Variants in TIAM1 observed in about 807,000 individuals in gnomAD.
TIAM1 encodes TIAM Rac1 associated GEF 1.
A neutral mutation model predicts 163.5 loss-of-function variants in TIAM1; 65 were observed. The observed-to-expected ratio is 0.40, with a 90% CI of 0.33 to 0.49. TIAM1 has a LOEUF of 0.49. TIAM1 is among the 20% of genes least tolerant of loss of function. The probability of loss-of-function intolerance (pLI) is 0.77; values close to 1 mark genes in which losing one functional copy is unlikely to be tolerated. For missense variants in TIAM1, 1,789 were observed against 2,044.7 expected (o/e 0.87, Z 2.41); for synonymous variants, 833 against 810.1 (o/e 1.03, Z -0.48).
At chr21:31,200,111 T>C (rs1422625745) in intron 12 of TIAM1, among the ~76,000 whole-genome samples, 1 of 152,116 alleles carries the variant, frequency 6.6e-6, no homozygotes, top group African/African-American at 2.4e-5. Context: ...AGCAGAATTG[T>C]TTTGGTGTAT....
At chr21:31,166,312 C>A (rs1166695865) in intron 15 of TIAM1, among the ~76,000 whole-genome samples, 1 of 152,150 alleles carries the variant, frequency 6.6e-6, no homozygotes, top group East Asian at 1.9e-4. Flanking sequence ...TATAACCAGA[C>A]AAGAGAGAAG....
chr21:31,375,540 A>G (rs902014056), intron 2 of TIAM1, among the ~76,000 whole-genome samples: 2 of 110,138 alleles, frequency 1.8e-5, no homozygotes, highest in African/African-American at 8.3e-5. Flanking sequence ...TATATAGAAA[A>G]GGAAAAATCA....
intron 3 of TIAM1, among the ~76,000 whole-genome samples, chr21:31,273,600 T>C (rs1486576020): frequency 2.0e-5 from 3 of 152,188 alleles, no homozygotes; most frequent in African/African-American, 7.2e-5. Flanking sequence ...CCAAGTCAGG[T>C]TGACTGCCTG....
intron 2 of TIAM1, among the ~76,000 whole-genome samples, chr21:31,429,954 C>T (rs549462372): frequency 8.3e-4 from 127 of 152,266 alleles, no homozygotes; most frequent in African/African-American, 2.9e-3. Context: ...CACGCCTGTC[C>T]TAGCACTTTG....
At position 31,141,596 on chromosome 21, in the gene TIAM1, C is replaced by G. The variant is rs2082847728; in HGVS notation, c.3476-92G>C. ...TCCCTTCCTCAGTGACTCCAAGGTG[C>G]CTTTTTGCAGGACTGAGCAGAGAGT... On this transcript the variant is annotated intron_variant, in intron 20 of 27. Coordinates refer to ENST00000541036, the MANE Select transcript of TIAM1 (RefSeq NM_001353694.2). The surrounding 1 kb of genome is among the most constrained non-coding windows in gnomAD (Gnocchi z 4.7). The G allele has an allele frequency of 3.4e-6, 5 of 1,482,286 alleles. No homozygotes were observed. Among genetic ancestry groups the G allele is most frequent in the Non-Finnish European group, 3.7e-6 (4 of 1,085,180 alleles). The allele number at this position is 1,482,286 out of a possible 1,614,324, so 91.8% of individuals were successfully genotyped here.
intron 2 of TIAM1, among the ~76,000 whole-genome samples, chr21:31,413,264 CTTTTTTTTTTTTTTTT>C: frequency 2.3e-5 from 2 of 87,856 alleles, no homozygotes; most frequent in Middle Eastern, 0.022. Context: ...CTTTTCTTTT[CTTTTTTTTTTTTTTTT>C]TTTTTTTGAG....
chr21:31,488,724 C>T (rs375416759), intron 1 of TIAM1, among the ~76,000 whole-genome samples: 1 of 152,110 alleles, frequency 6.6e-6, no homozygotes, highest in South Asian at 2.1e-4. Context: ...AAACCATCCC[C>T]ATGATTCAAT....
intron 2 of TIAM1, among the ~76,000 whole-genome samples, chr21:31,368,975 C>G (rs1012205637): frequency 2.0e-5 from 3 of 151,966 alleles, no homozygotes; most frequent in South Asian, 4.2e-4. Context: ...CGTGGTGGCT[C>G]ACGCCTGTAA....
At chr21:31,388,089 GA>G (rs1485802524) in intron 2 of TIAM1, among the ~76,000 whole-genome samples, 1 of 149,948 alleles carries the variant, frequency 6.7e-6, no homozygotes, top group Non-Finnish European at 1.5e-5. Context: ...GGCCTCCCTA[GA>G]AGCCTAGCAG....
chr21:31,347,467 A>G (rs960235434), upstream of TIAM1, among the ~76,000 whole-genome samples: 2 of 152,174 alleles, frequency 1.3e-5, no homozygotes, highest in Non-Finnish European at 2.9e-5. Context: ...TAAAGGTACC[A>G]GTTTCTTAAC....
chr21:31,174,004 G>A (rs1302697045), intron 15 of TIAM1, among the ~76,000 whole-genome samples: 2 of 152,152 alleles, frequency 1.3e-5, no homozygotes, highest in Admixed American at 6.5e-5. Flanking sequence ...TTTACGAGGC[G>A]CGCGTGTCTC....
intron 2 of TIAM1, among the ~76,000 whole-genome samples, chr21:31,385,191 A>C (rs1317029675): frequency 1.3e-5 from 2 of 152,232 alleles, no homozygotes; most frequent in Non-Finnish European, 2.9e-5. Context: ...CCTCACAAGC[A>C]GCTGGGATTA....
chr21:31,180,237 C>T (rs559698687), intron 15 of TIAM1, among the ~76,000 whole-genome samples: 35 of 152,040 alleles, frequency 2.3e-4, no homozygotes, highest in African/African-American at 8.0e-4. Context: ...AAGAAATAGA[C>T]GAAAACATTA....
chr21:31,168,698 C>T (rs2084362348), intron 15 of TIAM1, among the ~76,000 whole-genome samples: 2 of 152,302 alleles, frequency 1.3e-5, no homozygotes, highest in South Asian at 4.1e-4. Flanking sequence ...CTGTGCCAGG[C>T]CCCCTGACAT....
intron 2 of TIAM1, among the ~76,000 whole-genome samples, chr21:31,370,045 G>A (rs1487044878): frequency 6.6e-6 from 1 of 152,206 alleles, no homozygotes; most frequent in African/African-American, 2.4e-5. Context: ...TGAGGACACA[G>A]TGAAAAGACA....
chr21:31,368,962 G>T (rs1404378849), intron 2 of TIAM1, among the ~76,000 whole-genome samples: 1 of 152,152 alleles, frequency 6.6e-6, no homozygotes, highest in African/African-American at 2.4e-5. Context: ...ATGATAGGTC[G>T]GGCGTGGTGG....
rs1405536980 is a variant in TIAM1 at position 31,130,283 on chromosome 21, G to A, written c.3975C>T (p.Asp1325=). The A allele has an allele frequency of 6.2e-7, 1 of 1,613,986 alleles. No individual in the cohort carries two copies. The highest frequency in any genetic ancestry group is 1.3e-5 in the African/African-American group (1 of 74,888). ...TGTGTCGAAATCTGAAGGGGTCCCA[G>A]TCCTCATAAATGGAAAGCCTGTGAG... is the stretch of plus-strand genomic sequence containing the variant. ...VGSHRLSIYE[D]WDPFRFRHMI... The change falls in exon 25 of 28, where the codon GAC becomes GAT. Residue 1325 remains aspartate (D), a synonymous_variant. Transcript: ENST00000541036.
intron 15 of TIAM1, among the ~76,000 whole-genome samples, chr21:31,181,685 A>G (rs1211121365): frequency 7.0e-6 from 1 of 143,430 alleles, no homozygotes; most frequent in Non-Finnish European, 1.5e-5. Flanking sequence ...GACGATAGAG[A>G]AGGCAGGAAC....
intron 1 of TIAM1, among the ~76,000 whole-genome samples, chr21:31,541,894 C>T (rs999884453): frequency 3.9e-5 from 6 of 152,294 alleles, no homozygotes; most frequent in East Asian, 1.9e-4. Context: ...AAATCCCTTT[C>T]GAAGCTAAGT....
Sources: gnomAD v4.1 joint callset for allele counts (sites outside exome capture counted in the v4.1 genomes callset) on GRCh38, gnomAD v4.1.1 for gene constraint, Gnocchi (gnomAD v3.1) non-coding constraint, MANE v1.5 for transcripts, NCBI Gene and HGNC (gene_info 2026-07-23, HGNC 2026-07-21) for gene names.